The following GRM7 variants were observed in gnomAD, a reference collection of about 807,000 sequenced individuals.
GRM7 encodes glutamate metabotropic receptor 7.
A neutral mutation model predicts 84.5 loss-of-function variants in GRM7; 35 were observed. The observed-to-expected ratio is 0.41, with a 90% CI of 0.32 to 0.55. The LOEUF is 0.55. GRM7 is among the 20% of genes least tolerant of loss of function. The pLI is 0.19. For missense variants in GRM7, 1,003 were observed against 1,194.6 expected, an observed-to-expected ratio of 0.84 and a Z score of 2.36; for synonymous variants, 487 against 455.1, an observed-to-expected ratio of 1.07 and a Z score of -0.89.
At chr3:7,493,522 A>G (rs538679485) in intron 7 of GRM7, among the ~76,000 whole-genome samples, 49 of 152,020 alleles carry the variant, frequency 3.2e-4, no homozygotes, top group African/African-American at 1.1e-3. Flanking sequence ...TTTACATGGT[A>G]TATCTTTTTG....
intron 1 of GRM7, among the ~76,000 whole-genome samples, chr3:6,945,265 A>G (rs199516202): frequency 1.6e-5 from 2 of 124,082 alleles, no homozygotes; most frequent in South Asian, 4.9e-4. Context: ...TCCTGTGTCC[A>G]TGTGTTCTCA....
chr3:6,885,475 C>A lies in GRM7; in HGVS notation c.519+23568C>A, dbSNP rs148310750. On this transcript the variant is annotated intron_variant, in intron 1 of 9. Transcript: ENST00000357716. ...CCATGGCAATGATAAACCAAGATGGCACATTGGTGGGAGTGTCTTATGCGG... is the reference window on the plus strand; with the variant it reads ...CCATGGCAATGATAAACCAAGATGGAACATTGGTGGGAGTGTCTTATGCGG... Among the ~76,000 whole-genome samples the A allele has an allele frequency of 8.5e-5, 13 of 152,256 alleles. No individual in the cohort carries two copies. The East Asian group carries it at 1.4e-3, about 16-fold the overall frequency.
At chr3:7,312,484 T>G (rs1018836441) in intron 4 of GRM7, among the ~76,000 whole-genome samples, 1 of 151,966 alleles carries the variant, frequency 6.6e-6, no homozygotes, top group African/African-American at 2.4e-5. Context: ...CTTGGTAGGG[T>G]CGAGTGATAT....
At chr3:7,149,947 A>AT (rs768346978) in intron 2 of GRM7, among the ~76,000 whole-genome samples, 1 of 152,140 alleles carries the variant, frequency 6.6e-6, no homozygotes, top group African/African-American at 2.4e-5. Context: ...CTAGAGGGTT[A>AT]TTTTTTAAGC....
intron 1 of GRM7, among the ~76,000 whole-genome samples, chr3:7,019,033 G>A (rs886477495): frequency 6.6e-6 from 1 of 152,226 alleles, no homozygotes; most frequent in African/African-American, 2.4e-5. Context: ...GGAAGCGGAA[G>A]TTGCAGTGAG....
Position 7,578,747 on chromosome 3 carries a change from G to A in GRM7, c.1841G>A (p.Arg614His), listed in dbSNP as rs150165030. Residue 614 changes from arginine to histidine, a missense_variant, in exon 8 of 10, where the codon CGC becomes CAC. By Grantham distance (29) the Arg-to-His change is conservative. Transcript: ENST00000357716. ...ATCTTTGTCATGGCCACTTTCATCC[G>A]CTACAATGACACGCCCATTGTCCGG... The part of the protein sequence containing the change: ...ATIFVMATFI[R>H]YNDTPIVRAS... 2.5e-5 allele frequency: 41 copies of A among 1,613,770 alleles called. No homozygotes were observed. The highest frequency in any genetic ancestry group is 8.8e-5 in the South Asian group (8 of 91,084).
chr3:6,994,217 T>A (rs1694750318), intron 1 of GRM7, among the ~76,000 whole-genome samples: 1 of 152,118 alleles, frequency 6.6e-6, no homozygotes, highest in Non-Finnish European at 1.5e-5. Flanking sequence ...AGAGAAAGGT[T>A]GTTGGATTGT....
At chr3:6,995,989 T>C (rs1209617327) in intron 1 of GRM7, among the ~76,000 whole-genome samples, 2 of 152,224 alleles carry the variant, frequency 1.3e-5, no homozygotes, top group Non-Finnish European at 2.9e-5. Context: ...GCTCACTTCA[T>C]GAAAACGCAT....
chr3:7,011,677 T>C (rs183548661), intron 1 of GRM7, among the ~76,000 whole-genome samples: 2 of 152,312 alleles, frequency 1.3e-5, no homozygotes, highest in Admixed American at 1.3e-4. Flanking sequence ...CAAGAACTTA[T>C]TTGTATAATT....
intron 5 of GRM7, among the ~76,000 whole-genome samples, chr3:7,447,633 G>A (rs1423333958): frequency 2.6e-5 from 4 of 152,098 alleles, no homozygotes; most frequent in African/African-American, 4.8e-5. Flanking sequence ...GTTGCGGGGT[G>A]CGTGGGCCGG....
rs373654138 is a variant in GRM7 at position 6,967,833 on chromosome 3, G to C, written c.519+105926G>C. ...ATTTCATACAGTGGTTCTCAAACCT[G>C]GCTGCCCATCAGAATGCCCTGTGGG... On this transcript the variant is annotated intron_variant, in intron 1 of 9. Coordinates refer to ENST00000357716, the MANE Select transcript of GRM7 (RefSeq NM_000844.4). Among the ~76,000 whole-genome samples, 14 of 152,294 alleles carry C rather than the reference G, an allele frequency of 9.2e-5. 1 individual carries two copies. In the South Asian group the frequency reaches 2.7e-3, roughly 29 times the overall value.
intron 8 of GRM7, among the ~76,000 whole-genome samples, chr3:7,596,948 A>G (rs1366695885): frequency 6.6e-6 from 1 of 152,230 alleles, no homozygotes; most frequent in Non-Finnish European, 1.5e-5. Context: ...TTAAAAGTTC[A>G]GAAGAGTGAG....
intron 4 of GRM7, among the ~76,000 whole-genome samples, chr3:7,353,151 C>G (rs1553565822): frequency 6.6e-6 from 1 of 152,030 alleles, no homozygotes; most frequent in Non-Finnish European, 1.5e-5. Flanking sequence ...CTCCACCAGC[C>G]TTTTTTGCTT....
At chr3:7,508,836 C>T (rs1398688981) in intron 7 of GRM7, among the ~76,000 whole-genome samples, 1 of 152,082 alleles carries the variant, frequency 6.6e-6, no homozygotes, top group Non-Finnish European at 1.5e-5. Context: ...TGCTATGAGT[C>T]CAGCACCATC....
intron 4 of GRM7, among the ~76,000 whole-genome samples, chr3:7,312,031 T>G (rs1700416246): frequency 6.6e-6 from 1 of 152,162 alleles, no homozygotes; most frequent in African/African-American, 2.4e-5. Flanking sequence ...AACAAAGTCA[T>G]AGCAAATTTT....
Position 7,443,340 on chromosome 3 carries a change from A to T in GRM7, c.1175-9267A>T, listed in dbSNP as rs182378807. Among the ~76,000 whole-genome samples the T allele has an allele frequency of 2.0e-3, 301 of 152,292 alleles. 2 individuals are homozygous for T. Among genetic ancestry groups the T allele is most frequent in the Middle Eastern group, 0.014 (4 of 294 alleles). ...TTTAAGATATAATTGCTCTCAAAAA[A>T]TGTACAATACACACAAAAGACAATA... On this transcript the variant is annotated intron_variant, in intron 5 of 9. Coordinates refer to ENST00000357716, the MANE Select transcript of GRM7 (RefSeq NM_000844.4).
At chr3:7,331,255 T>A (rs17047131) in intron 4 of GRM7, among the ~76,000 whole-genome samples, 4,424 of 152,222 alleles carry the variant, frequency 0.029, 211 homozygotes, top group African/African-American at 0.099. Context: ...TGGCCAAATC[T>A]CAAAAACATT....
intron 2 of GRM7, among the ~76,000 whole-genome samples, chr3:7,173,405 C>A (rs1302862562): frequency 1.3e-5 from 2 of 152,152 alleles, no homozygotes; most frequent in East Asian, 1.9e-4. Flanking sequence ...CACCCCATCC[C>A]TCTTTTGGTG....
chr3:6,971,514 G>C (rs1693758595), intron 1 of GRM7, among the ~76,000 whole-genome samples: 1 of 152,146 alleles, frequency 6.6e-6, no homozygotes, highest in Admixed American at 6.5e-5. Context: ...GATATTTCTA[G>C]ATTACTACTG....
Sources: allele counts gnomAD v4.1 joint callset (sites outside exome capture counted in the v4.1 genomes callset), GRCh38; gene constraint gnomAD v4.1.1; transcripts MANE v1.5; gene names NCBI Gene and HGNC (gene_info 2026-07-23, HGNC 2026-07-21).